Variants in TENT5C observed in about 807,000 individuals in gnomAD.
TENT5C encodes terminal nucleotidyltransferase 5C, also known as family with sequence similarity 46 member C.
A neutral mutation model predicts 22.2 loss-of-function variants in TENT5C; 5 were observed. That is an observed-to-expected ratio of 0.22 (90% CI 0.12 to 0.47). The LOEUF (loss-of-function observed/expected upper bound fraction) is 0.47. Ranked by LOEUF, TENT5C falls within the 20% of genes least tolerant of loss-of-function variation. The pLI, the probability that TENT5C is intolerant of heterozygous loss-of-function variation, is 0.99. For synonymous variants in TENT5C, 199 were observed against 195.4 expected (o/e 1.02, Z -0.15); for missense variants, 364 against 500.9 (o/e 0.73, Z 2.61).
At position 117,628,228 on chromosome 1, in the gene TENT5C, G is replaced by C; in HGVS notation, c.*4184G>C. On this transcript the variant is annotated 3_prime_UTR_variant, in exon 2 of 2. Coordinates refer to ENST00000369448, the MANE Select transcript of TENT5C (RefSeq NM_017709.4). ...CATAGCCTTTGAAATATTTCTTAGT[G>C]CCTAGGAGGTCTGGGGATTCCTCTT... 8.1e-6 allele frequency: 2 copies of C among 247,420 alleles called. No individual in the cohort carries two copies. The highest frequency in any genetic ancestry group is 8.5e-6 in the Non-Finnish European group (1 of 117,750). The allele number at this position is 247,420 out of a possible 1,614,324, so 15.3% of individuals were successfully genotyped here. A position where few individuals can be genotyped will look rare whatever the true frequency, so the allele number is the denominator to read the frequency against.
rs1044178038 is a variant in TENT5C at position 117,624,568 on chromosome 1, A to G, written c.*524A>G. ...GCTCTTGTGACTTAATTTTTGTTCA[A>G]GGGACTAAATTGCTTATGTTTATTC... is the stretch of plus-strand genomic sequence containing the variant. On this transcript the variant is annotated 3_prime_UTR_variant, in exon 2 of 2. Coordinates refer to ENST00000369448, the MANE Select transcript of TENT5C (RefSeq NM_017709.4). 1 of 249,678 alleles carries G rather than the reference A, an allele frequency of 4.0e-6. No individual in the cohort carries two copies. The highest frequency in any genetic ancestry group is 8.4e-6 in the Non-Finnish European group (1 of 119,300). 15.5% of individuals were successfully genotyped at this position (249,678 alleles called of 1,614,324 possible). A position where few individuals can be genotyped will look rare whatever the true frequency, so the allele number is the denominator to read the frequency against.
chr1:117,606,316 C>G (rs914525154), intron 1 of TENT5C, among the ~76,000 whole-genome samples, 163 bp downstream of exon 1: 6 of 151,728 alleles, frequency 4.0e-5, no homozygotes, highest in East Asian at 2.0e-4. Flanking sequence ...GGACAGGTGC[C>G]GAGACCCGGT....
Position 117,623,220 on chromosome 1 carries a change from A to G in TENT5C, c.352A>G (p.Asn118Asp), listed in dbSNP as rs371789381. 10 of 1,614,024 alleles carry G rather than the reference A, an allele frequency of 6.2e-6. No individual in the cohort carries two copies. In the African/African-American group the frequency reaches 1.3e-4, roughly 22 times the overall value. The change falls in exon 2 of 2, where the codon AAC (asparagine) becomes GAC (aspartate). Residue 118 changes from asparagine (N) to aspartate (D), a missense_variant. Asn to Asp is a conservative substitution (Grantham distance 23, BLOSUM62 1). Transcript: ENST00000369448. ...VRDVVLCSLL[N>D]FLPEGVNKLK... ...AGATGTGGTTCTGTGTTCCCTTCTG[A>G]ACTTCCTGCCAGAGGGTGTGAACAA...
rs779467652 is a variant in TENT5C, at chr1:117,623,626, G to A, written c.758G>A (p.Arg253Gln). Residue 253 changes from arginine to glutamine, a missense_variant, in exon 2 of 2, where the codon CGG becomes CAG. This residue lies in a region of TENT5C where 303 missense variants were observed against 394.5 expected (regional missense o/e 0.77). Coordinates refer to ENST00000369448, the MANE Select transcript of TENT5C (RefSeq NM_017709.4). The stretch of plus-strand genomic sequence containing the variant: ...CTCAAGTACAGCAACCTTCTTGTGC[G>A]GGACTTCAGGCCCACAGACCAGGAA... ...GLLKYSNLLV[R>Q]DFRPTDQEEI... 7 of 1,613,348 alleles carry A rather than the reference G, an allele frequency of 4.3e-6. No individual in the cohort carries two copies. The highest frequency in any genetic ancestry group is 3.3e-5 in the Admixed American group (2 of 59,908).
intron 1 of TENT5C, among the ~76,000 whole-genome samples, chr1:117,613,852 C>T (rs1330101271): frequency 1.3e-5 from 2 of 152,180 alleles, no homozygotes; most frequent in African/African-American, 4.8e-5. Context: ...TTTCTCTGGG[C>T]ACAGCTTTGT....
At position 117,625,769 on chromosome 1, in the gene TENT5C, G is replaced by T. The variant is rs550993589; in HGVS notation, c.*1725G>T. 5.2e-5 allele frequency: 13 copies of T among 247,938 alleles called. No homozygotes were observed. In the South Asian group the frequency reaches 5.4e-4, roughly 10 times the overall value. 15.4% of individuals were successfully genotyped at this position (247,938 alleles called of 1,614,324 possible). On this transcript the variant is annotated 3_prime_UTR_variant, in exon 2 of 2. Coordinates refer to ENST00000369448, the MANE Select transcript of TENT5C (RefSeq NM_017709.4). ...AAAGTATATTTTCAAGTTTATTCTG[G>T]AATGTGATGTCTTGGTCCTCTTAAA...
At position 117,627,345 on chromosome 1, in the gene TENT5C, T is replaced by G; in HGVS notation, c.*3301T>G. 4.0e-6 allele frequency: 1 copy of G among 248,176 alleles called. No individual in the cohort carries two copies. The highest frequency in any genetic ancestry group is 8.5e-6 in the Non-Finnish European group (1 of 118,100). The allele number at this position is 248,176 out of a possible 1,614,324, so 15.4% of individuals were successfully genotyped here. ...CTGCACTAACCCCTTACCCTTATGG[T>G]ACGTCAGGATTTTAACTAGTACTGC... is the stretch of plus-strand genomic sequence containing the variant. On this transcript the variant is annotated 3_prime_UTR_variant, in exon 2 of 2. Transcript: ENST00000369448.
chr1:117,620,226 A>T (rs1653863794), intron 1 of TENT5C, among the ~76,000 whole-genome samples: 1 of 151,886 alleles, frequency 6.6e-6, no homozygotes, highest in South Asian at 2.1e-4. Flanking sequence ...TTTTTGAACA[A>T]CTCCTTTAAA....
At chr1:117,610,497 G>A (rs1442995326) in intron 1 of TENT5C, among the ~76,000 whole-genome samples, 12 of 152,110 alleles carry the variant, frequency 7.9e-5, no homozygotes, top group Admixed American at 7.9e-4. Context: ...CTGGGGACCC[G>A]CTCTTTTCAC....
chr1:117,612,547 G>T (rs563668974), intron 1 of TENT5C, among the ~76,000 whole-genome samples: 2 of 152,288 alleles, frequency 1.3e-5, no homozygotes, highest in East Asian at 3.9e-4. Context: ...GAGCTGTCTG[G>T]TGACAGCACA....
rs1653980860 is a variant in TENT5C, at chr1:117,625,145, T to G, written c.*1101T>G. 4.0e-6 allele frequency: 1 copy of G among 247,044 alleles called. No individual in the cohort carries two copies. Among genetic ancestry groups the G allele is most frequent in the Non-Finnish European group, 8.5e-6 (1 of 117,784 alleles). 15.3% of individuals were successfully genotyped at this position (247,044 alleles called of 1,614,324 possible). On this transcript the variant is annotated 3_prime_UTR_variant, in exon 2 of 2. Coordinates refer to ENST00000369448, the MANE Select transcript of TENT5C (RefSeq NM_017709.4). ...AAAAATAGTGACTTCCTTCTCCAGG[T>G]GTGTTTGACAGCAACTCAATTCAGG...
intron 1 of TENT5C, among the ~76,000 whole-genome samples, chr1:117,613,950 T>C (rs1653722722): frequency 6.6e-6 from 1 of 152,154 alleles, no homozygotes. Context: ...CTTGGAAAAA[T>C]AGTGAGCATA....
chr1:117,607,677 T>C (rs1357287343), intron 1 of TENT5C, among the ~76,000 whole-genome samples: 3 of 152,176 alleles, frequency 2.0e-5, no homozygotes, highest in Non-Finnish European at 2.9e-5. Context: ...AGGAAGTAAG[T>C]TGGGCAGCCG....
chr1:117,616,175 A>G (rs1472008908), intron 1 of TENT5C, among the ~76,000 whole-genome samples: 1 of 152,202 alleles, frequency 6.6e-6, no homozygotes, highest in Non-Finnish European at 1.5e-5. Flanking sequence ...TTATTACTTA[A>G]TTTGTGAAAA....
In TENT5C at chr1:117,626,619, T is replaced by G; in HGVS notation, c.*2575T>G. On this transcript the variant is annotated 3_prime_UTR_variant, in exon 2 of 2. Transcript: ENST00000369448. ...ATTTCAGGGCCCTGGAAACTCTAGC[T>G]GAAACCTGCCTTTCCTAATGCTCAC... is the stretch of plus-strand genomic sequence containing the variant. 1 of 248,088 alleles carries G rather than the reference T, an allele frequency of 4.0e-6. No individual in the cohort carries two copies. Among genetic ancestry groups the G allele is most frequent in the Non-Finnish European group, 8.5e-6 (1 of 118,070 alleles). The allele number at this position is 248,088 out of a possible 1,614,324, so 15.4% of individuals were successfully genotyped here.
chr1:117,626,908 C>T lies in TENT5C; in HGVS notation c.*2864C>T. 1 of 248,194 alleles carries T rather than the reference C, an allele frequency of 4.0e-6. No individual in the cohort carries two copies. The highest frequency in any genetic ancestry group is 8.5e-6 in the Non-Finnish European group (1 of 118,126). 15.4% of individuals were successfully genotyped at this position (248,194 alleles called of 1,614,324 possible). On this transcript the variant is annotated 3_prime_UTR_variant, in exon 2 of 2. Coordinates refer to ENST00000369448, the MANE Select transcript of TENT5C (RefSeq NM_017709.4). ...AGGTTGAGCATCAGTGAGATGAAGA[C>T]AGTACCTTTTCCTCTCACATTGGCA...
rs146479463 is a variant in TENT5C, at chr1:117,625,535, C to T, written c.*1491C>T. On this transcript the variant is annotated 3_prime_UTR_variant, in exon 2 of 2. Coordinates refer to ENST00000369448, the MANE Select transcript of TENT5C (RefSeq NM_017709.4). Reference sequence around the variant, plus strand: ...TTTTGTGGGATCCCTTAGAAAGCATCACTTCAGGGCAGAGACACTCAATAT... The same window carrying T: ...TTTTGTGGGATCCCTTAGAAAGCATTACTTCAGGGCAGAGACACTCAATAT... 8.1e-6 allele frequency: 2 copies of T among 248,046 alleles called. No homozygotes were observed. Among genetic ancestry groups the T allele is most frequent in the African/African-American group, 4.4e-5 (2 of 45,446 alleles). 15.4% of individuals were successfully genotyped at this position (248,046 alleles called of 1,614,324 possible).
At chr1:117,620,205 T>C (rs1653863455) in intron 1 of TENT5C, among the ~76,000 whole-genome samples, 1 of 152,234 alleles carries the variant, frequency 6.6e-6, no homozygotes, top group East Asian at 1.9e-4. Flanking sequence ...ACTTTAATCC[T>C]ACATGACGTC....
rs7529280 is a variant in TENT5C at position 117,621,781 on chromosome 1, C to T, written c.-27-1061C>T. 3.3e-5 allele frequency among the ~76,000 whole-genome samples: 5 copies of T among 152,238 alleles called. No homozygotes were observed. The South Asian group carries it at 6.2e-4, about 19-fold the overall frequency. ...ACATCCATCTAGCAAATATTCGACT[C>T]GTGGCTCTACAGGCACCTTGACATT... On this transcript the variant is annotated intron_variant, in intron 1 of 1. Coordinates refer to ENST00000369448, the MANE Select transcript of TENT5C (RefSeq NM_017709.4).
Sources: gnomAD v4.1 joint callset for allele counts (sites outside exome capture counted in the v4.1 genomes callset) on GRCh38, gnomAD v4.1.1 for gene constraint, gnomAD v4.1.1 regional missense constraint, MANE v1.5 for transcripts, NCBI Gene and HGNC (gene_info 2026-07-23, HGNC 2026-07-21) for gene names.